Variants in MSH6 observed in about 807,000 individuals in gnomAD.
MSH6 encodes the protein DNA mismatch repair protein Msh6.
A neutral mutation model predicts 119.1 loss-of-function variants in MSH6; 85 were observed. The ratio of observed to expected loss-of-function variants is 0.71; its 90% CI spans 0.60 to 0.85. The LOEUF (loss-of-function observed/expected upper bound fraction) is 0.85. Among genes scored for constraint, MSH6 ranks in the 40% least tolerant of loss-of-function variants. The pLI is 0.00. For missense variants in MSH6, 2,163 were observed against 1,655.3 expected (o/e 1.31, Z -5.32); for synonymous variants, 830 against 586.9 (o/e 1.41, Z -5.99).
chr2:47,801,058 G>A lies in MSH6; in HGVS notation c.3075G>A (p.Arg1025=), dbSNP rs969175054. ...LANLINAEER[R]DVSLKDCMRR... ...ATCTCATAAATGCTGAAGAACGGAGGGATGTATCATTGAAGGACTGCATGC... is the reference window on the plus strand; with the variant it reads ...ATCTCATAAATGCTGAAGAACGGAGAGATGTATCATTGAAGGACTGCATGC... The change falls in exon 4 of 10, where the codon AGG becomes AGA. Residue 1025 remains arginine, a synonymous_variant. Transcript: ENST00000234420. 2 of 1,605,140 alleles carry A rather than the reference G, an allele frequency of 1.2e-6. No homozygotes were observed. Among genetic ancestry groups the A allele is most frequent in the Non-Finnish European group, 1.7e-6 (2 of 1,175,546 alleles).
At position 47,806,299 on chromosome 2, in the gene MSH6, C is replaced by T. The variant is rs63750882; in HGVS notation, c.3742C>T (p.His1248Tyr). Residue 1248 changes from histidine (H) to tyrosine (Y), a missense_variant, in exon 8 of 10, where the codon CAC becomes TAC. His to Tyr is a moderately conservative substitution (Grantham distance 83, BLOSUM62 2). Coordinates refer to ENST00000234420, the MANE Select transcript of MSH6 (RefSeq NM_000179.3). ...AAAATGTCGTACATTATTTTCAACTCACTACCATTCATTAGTAGAAGATTA... is the reference window on the plus strand; with the variant it reads ...AAAATGTCGTACATTATTTTCAACTTACTACCATTCATTAGTAGAAGATTA... ...TIKCRTLFSTHYHSLVEDYSQ... is the reference protein window; with the variant it reads ...TIKCRTLFSTYYHSLVEDYSQ... The T allele has an allele frequency of 5.6e-6, 9 of 1,613,936 alleles. No individual in the cohort carries two copies. The highest frequency in any genetic ancestry group is 1.3e-5 in the African/African-American group (1 of 74,944).
intron 4 of MSH6, chr2:47,801,374 T>TTG (rs1195241789): frequency 6.3e-6 from 3 of 478,736 alleles, no homozygotes; most frequent in African/African-American, 4.5e-5. Flanking sequence ...TTTTTTTTTT[T>TTG]TTTTTTTTTT....
chr2:47,806,064 A>C (rs1283511755), intron 7 of MSH6, 140 bp from the exon 8 acceptor site: 1 of 836,902 alleles, frequency 1.2e-6, no homozygotes, highest in Non-Finnish European at 2.0e-6. Flanking sequence ...TCGTGTAGCT[A>C]AACAAGGCCT....
At chr2:47,809,066 C>T (rs372132628), downstream of MSH6, 411 of 734,000 alleles carry the variant, frequency 5.6e-4, 8 homozygotes, top group South Asian at 7.1e-3. Flanking sequence ...ATAGTCTCAA[C>T]ACCGGCAAAT....
Position 47,794,761 on chromosome 2 carries a change from C to T in MSH6, c.458-1133C>T, listed in dbSNP as rs531499120. 1.7e-4 allele frequency among the ~76,000 whole-genome samples: 26 copies of T among 152,146 alleles called. 1 individual carries two copies. In the South Asian group the frequency reaches 5.2e-3, roughly 30 times the overall value. On this transcript the variant is annotated intron_variant, in intron 2 of 9. Coordinates refer to ENST00000234420, the MANE Select transcript of MSH6 (RefSeq NM_000179.3). Reference sequence around the variant, plus strand: ...AAACTCATATTTAATATCATAGCTGCATGTAACTGACAGTGTAGTCTTTGT... The same window carrying T: ...AAACTCATATTTAATATCATAGCTGTATGTAACTGACAGTGTAGTCTTTGT...
At chr2:47,784,117 C>A (rs1033320620) in intron 1 of MSH6, 18 of 1,004,080 alleles carry the variant, frequency 1.8e-5, no homozygotes, top group Admixed American at 6.0e-5. Flanking sequence ...TGAGGGGCCG[C>A]CGAGGGGGTG....
At chr2:47,805,432 C>T (rs1184615092) in intron 6 of MSH6, among the ~76,000 whole-genome samples, 186 bp from the exon 7 acceptor site, 3 of 152,186 alleles carry the variant, frequency 2.0e-5, no homozygotes, top group Non-Finnish European at 4.4e-5. Flanking sequence ...CTTGCCTCGG[C>T]CTCCCAAAGT....
intron 1 of MSH6, among the ~76,000 whole-genome samples, chr2:47,785,897 C>T (rs2103985270): frequency 6.6e-6 from 1 of 152,326 alleles, no homozygotes; most frequent in East Asian, 1.9e-4. Flanking sequence ...ATACATTTCA[C>T]CTCCCGTTAT....
At chr2:47,783,675 T>G in intron 1 of MSH6, 182 bp downstream of exon 1, 1 of 583,950 alleles carries the variant, frequency 1.7e-6, no homozygotes, top group Non-Finnish European at 2.7e-6. Context: ...TTTGGGGGTG[T>G]AGCTTGTAAA....
chr2:47,806,423 A>G lies in MSH6; in HGVS notation c.3802-29A>G, dbSNP rs752342663. The G allele has an allele frequency of 1.2e-6, 2 of 1,613,764 alleles. No individual in the cohort carries two copies. The highest frequency in any genetic ancestry group is 1.7e-6 in the Non-Finnish European group (2 of 1,179,758). ...GAGAGGGCACTTCTCTTGCTAGCAC[A>G]TGTATCGCTAATATTTTTCTTTCTT... On this transcript the variant is annotated intron_variant, in intron 8 of 9. Transcript: ENST00000234420.
rs1333491667 is a variant in MSH6, at chr2:47,799,045, A to G, written c.1062A>G (p.Gly354=). ...QNSESQAHVS[G]GGDDSSRPTV... ...CTGAATCCCAAGCCCACGTTAGTGG[A>G]GGTGGTGATGACAGTAGTCGCCCTA... The change falls in exon 4 of 10, where the codon GGA becomes GGG. Residue 354 remains glycine (G), a synonymous_variant. Transcript: ENST00000234420. 2 of 1,614,060 alleles carry G rather than the reference A, an allele frequency of 1.2e-6. No individual in the cohort carries two copies.
At chr2:47,801,729 G>A (rs1669610500) in intron 4 of MSH6, among the ~76,000 whole-genome samples, 1 of 152,068 alleles carries the variant, frequency 6.6e-6, no homozygotes, top group Non-Finnish European at 1.5e-5. Flanking sequence ...GTCTTGCTCT[G>A]TTACCCAGGA....
Position 47,806,878 on chromosome 2 carries a change from C to CT in MSH6, c.*21dup. On this transcript the variant is annotated 3_prime_UTR_variant, in exon 10 of 10. Coordinates refer to ENST00000234420, the MANE Select transcript of MSH6 (RefSeq NM_000179.3). Reference sequence around the variant, plus strand: ...AATTATAGACTGACTACATTGGAAGCTTTGAGTTGACTTCTGACAAAGGTG... The same window carrying CT: ...AATTATAGACTGACTACATTGGAAGCTTTTGAGTTGACTTCTGACAAAGGTG... 6.3e-7 allele frequency: 1 copy of CT among 1,578,126 alleles called. No homozygotes were observed. Among genetic ancestry groups the CT allele is most frequent in the Non-Finnish European group, 8.7e-7 (1 of 1,148,340 alleles).
chr2:47,783,811 G>C (rs1413126212), intron 1 of MSH6: 1 of 638,068 alleles, frequency 1.6e-6, no homozygotes, highest in Admixed American at 5.8e-5. Context: ...GGGGCGACGC[G>C]CGCAGCTCCG....
Position 47,791,679 on chromosome 2 carries a change from T to C in MSH6, c.457+556T>C, listed in dbSNP as rs552542275. On this transcript the variant is annotated intron_variant, in intron 2 of 9. Coordinates refer to ENST00000234420, the MANE Select transcript of MSH6 (RefSeq NM_000179.3). ...TTGTACAAGTTCTCTTTCTTTCTTT[T>C]TTTTTTTTTTTTTTCTGGAGACAGA... Among the ~76,000 whole-genome samples the C allele has an allele frequency of 4.4e-3, 651 of 149,644 alleles. 1 individual carries two copies. Among genetic ancestry groups the C allele is most frequent in the African/African-American group, 7.1e-3 (290 of 40,904 alleles).
At chr2:47,808,265 C>T (rs2104611770), downstream of MSH6, 2 of 1,612,532 alleles carry the variant, frequency 1.2e-6, no homozygotes, top group African/African-American at 1.3e-5. Flanking sequence ...AAAATGAAAC[C>T]CAAATATTAG....
downstream of MSH6, chr2:47,807,996 T>C (rs138371633): frequency 4.3e-4 from 379 of 873,550 alleles, 4 homozygotes; most frequent in South Asian, 3.8e-3. Context: ...CAACTGACCT[T>C]GTGTATCCAT....
Position 47,803,646 on chromosome 2 carries a change from T to C in MSH6, c.3399T>C (p.Thr1133=), listed in dbSNP as rs61748084. The C allele has an allele frequency of 7.5e-5, 121 of 1,614,140 alleles. No homozygotes were observed. The highest frequency in any genetic ancestry group is 8.3e-5 in the Non-Finnish European group (98 of 1,180,050). The change falls in exon 5 of 10, where the codon ACT becomes ACC. Residue 1133 remains threonine (T), a synonymous_variant. Transcript: ENST00000234420. ...GCAAAGCCTATTGTGTGCTTGTTACTGGACCAAATATGGGGGGCAAGTCTA... is the reference window on the plus strand; with the variant it reads ...GCAAAGCCTATTGTGTGCTTGTTACCGGACCAAATATGGGGGGCAAGTCTA... ...ENGKAYCVLV[T]GPNMGGKSTL...
At chr2:47,804,870 A>C (rs201433872) in intron 5 of MSH6, 40 bp from the exon 6 acceptor site, 4 of 1,444,728 alleles carry the variant, frequency 2.8e-6, no homozygotes, top group Admixed American at 1.7e-5. Context: ...TGAAACTGTT[A>C]CTACCAGTCA....
Sources: allele counts gnomAD v4.1 joint callset (sites outside exome capture counted in the v4.1 genomes callset), GRCh38; gene constraint gnomAD v4.1.1; transcripts MANE v1.5; gene names NCBI Gene and HGNC (gene_info 2026-07-23, HGNC 2026-07-21).